Variants in HNF4G observed in about 807,000 individuals in gnomAD.
HNF4G encodes the protein hepatocyte nuclear factor 4 gamma, also known as hepatocyte nuclear factor 4-gamma.
Under a neutral mutation model 50.9 loss-of-function variants are expected in HNF4G, and 21 were observed. The ratio of observed to expected loss-of-function variants is 0.41; its 90% CI spans 0.29 to 0.59. The LOEUF (loss-of-function observed/expected upper bound fraction) is 0.59, where lower values mean the gene tolerates loss of function less well. Ranked by LOEUF, HNF4G falls within the 20% of genes least tolerant of loss-of-function variation. HNF4G has a pLI of 0.26. For synonymous variants in HNF4G, 198 were observed against 185.6 expected (o/e 1.07, Z -0.54); for missense variants, 527 against 559.4 (o/e 0.94, Z 0.58).
rs533134066 is a variant in HNF4G, at chr8:75,525,426, C to CCA, written c.-23-18384_-23-18383dup. 4.0e-4 allele frequency among the ~76,000 whole-genome samples: 61 copies of CCA among 152,258 alleles called. No individual in the cohort carries two copies. In the South Asian group the frequency reaches 7.0e-3, roughly 18 times the overall value. ...CTCATGATCTGGCCGCTTCGGCCTC[C>CCA]CAAAGTTCTGGAATTACAGGCGTGA... On this transcript the variant is annotated intron_variant, in intron 2 of 10. Transcript: ENST00000354370.
chr8:75,457,386 A>C (rs2130596368), intron 1 of HNF4G, among the ~76,000 whole-genome samples: 1 of 152,304 alleles, frequency 6.6e-6, no homozygotes, highest in Non-Finnish European at 1.5e-5. Flanking sequence ...TTAAGATAGA[A>C]GGGAGATTGG....
intron 2 of HNF4G, among the ~76,000 whole-genome samples, chr8:75,545,426 T>G (rs1806747665): frequency 6.6e-6 from 1 of 152,122 alleles, no homozygotes; most frequent in African/African-American, 2.4e-5. Context: ...TAACAACAGA[T>G]AGAGTTTAAC....
chr8:75,506,021 C>A (rs957029281), intron 2 of HNF4G, among the ~76,000 whole-genome samples: 3 of 151,778 alleles, frequency 2.0e-5, no homozygotes, highest in Non-Finnish European at 2.9e-5. Flanking sequence ...GGTTATTTTT[C>A]TTAATGAAAA....
At chr8:75,423,823 T>C (rs1200386659) in intron 1 of HNF4G, among the ~76,000 whole-genome samples, 20 of 119,208 alleles carry the variant, frequency 1.7e-4, no homozygotes, top group African/African-American at 6.3e-4. Context: ...TTCTTTTTTT[T>C]TTTTTTTTTT....
intron 1 of HNF4G, among the ~76,000 whole-genome samples, chr8:75,458,928 A>C (rs1297729251): frequency 1.3e-5 from 2 of 152,200 alleles, no homozygotes; most frequent in African/African-American, 4.8e-5. Context: ...TTAATAATGT[A>C]CATTTTTAAA....
At chr8:75,495,980 T>A (rs1812757753) in intron 2 of HNF4G, among the ~76,000 whole-genome samples, 1 of 152,148 alleles carries the variant, frequency 6.6e-6, no homozygotes. Flanking sequence ...TTCAACAAAG[T>A]CTTTAAATTT....
At chr8:75,486,609 G>A (rs1812503079) in intron 1 of HNF4G, among the ~76,000 whole-genome samples, 1 of 152,138 alleles carries the variant, frequency 6.6e-6, no homozygotes, top group Non-Finnish European at 1.5e-5. Context: ...TACCTTTGTA[G>A]ATGGAAGCTG....
chr8:75,432,135 C>A (rs1811030229), intron 1 of HNF4G, among the ~76,000 whole-genome samples: 1 of 151,558 alleles, frequency 6.6e-6, no homozygotes, highest in Admixed American at 6.6e-5. Flanking sequence ...GCCTGTAGTC[C>A]CAGCTACTCA....
At chr8:75,553,583 C>T (rs967632191) in intron 5 of HNF4G, among the ~76,000 whole-genome samples, 4 of 151,888 alleles carry the variant, frequency 2.6e-5, no homozygotes, top group African/African-American at 9.7e-5. Flanking sequence ...ACTGAAGCTG[C>T]TATATAAAAC....
intron 2 of HNF4G, among the ~76,000 whole-genome samples, chr8:75,504,474 C>T (rs1272103981): frequency 1.3e-5 from 2 of 151,216 alleles, no homozygotes; most frequent in South Asian, 4.2e-4. Flanking sequence ...TTGATATATA[C>T]ATATATATTA....
At chr8:75,448,667 A>C (rs914760255) in intron 1 of HNF4G, among the ~76,000 whole-genome samples, 1 of 151,940 alleles carries the variant, frequency 6.6e-6, no homozygotes, top group African/African-American at 2.4e-5. Context: ...TGGGAATGAA[A>C]AATTATAAGT....
At chr8:75,448,426 TA>T (rs71567113) in intron 1 of HNF4G, among the ~76,000 whole-genome samples, 479 of 11,718 alleles carry the variant, frequency 0.041, 4 homozygotes, top group African/African-American at 0.08. Flanking sequence ...ACTTAAAGTA[TA>T]AAAAAAAAAA....
intron 1 of HNF4G, among the ~76,000 whole-genome samples, chr8:75,480,439 T>C (rs1434753756): frequency 1.3e-5 from 2 of 152,192 alleles, no homozygotes; most frequent in African/African-American, 4.8e-5. Flanking sequence ...AAATAATTTT[T>C]ATCAGTGAAA....
intron 1 of HNF4G, among the ~76,000 whole-genome samples, chr8:75,414,097 A>T (rs1810570827): frequency 1.3e-5 from 2 of 152,044 alleles, no homozygotes; most frequent in Admixed American, 6.6e-5. Context: ...TAGTTTTGTA[A>T]CCATTACCAC....
chr8:75,500,642 GAA>G (rs2130703983), intron 2 of HNF4G, among the ~76,000 whole-genome samples: 1 of 152,160 alleles, frequency 6.6e-6, no homozygotes, highest in Admixed American at 6.5e-5. Context: ...ATATGGATAA[GAA>G]AATGGGTTAT....
chr8:75,519,883 G>A (rs1049203322), intron 2 of HNF4G, among the ~76,000 whole-genome samples: 13 of 151,904 alleles, frequency 8.6e-5, no homozygotes, highest in Non-Finnish European at 1.8e-4. Context: ...CATAGTCTCT[G>A]TATTTCAGCT....
chr8:75,423,928 A>C (rs1810835202), intron 1 of HNF4G, among the ~76,000 whole-genome samples: 1 of 141,514 alleles, frequency 7.1e-6, no homozygotes, highest in Admixed American at 7.8e-5. Flanking sequence ...GGTTCAAGCA[A>C]TTCTTCTGCC....
At chr8:75,478,553 A>T (rs1812295978) in intron 1 of HNF4G, among the ~76,000 whole-genome samples, 1 of 152,140 alleles carries the variant, frequency 6.6e-6, no homozygotes, top group Non-Finnish European at 1.5e-5. Flanking sequence ...TAGACTCTTC[A>T]GTCCCAAAAT....
rs1203715012 is a variant in HNF4G at position 75,566,021 on chromosome 8, G to GT, written c.*1925_*1926insT. The GT allele has an allele frequency of 6.6e-6, 1 of 151,658 alleles. No homozygotes were observed. Among genetic ancestry groups the GT allele is most frequent in the African/African-American group, 2.4e-5 (1 of 41,232 alleles). 9.4% of individuals were successfully genotyped at this position (151,658 alleles called of 1,614,324 possible). A position where few individuals can be genotyped will look rare whatever the true frequency, so the allele number is the denominator to read the frequency against. ...TGTAGATTTTTGTTTACTTTTGGGG[G>GT]GGTTCCCTTAGAAGACATTAAAAAA... On this transcript the variant is annotated 3_prime_UTR_variant, in exon 10 of 10. Coordinates refer to ENST00000396423, the MANE Select transcript of HNF4G (RefSeq NM_004133.5).
Sources: allele counts gnomAD v4.1 joint callset (sites outside exome capture counted in the v4.1 genomes callset), GRCh38; gene constraint gnomAD v4.1.1; transcripts MANE v1.5; gene names NCBI Gene and HGNC (gene_info 2026-07-23, HGNC 2026-07-21).